Variants in MAGI1 observed in about 807,000 individuals in gnomAD.
The protein encoded by MAGI1 is membrane-associated guanylate kinase, WW and PDZ domain-containing protein 1.
In MAGI1, 58 loss-of-function variants were observed where a neutral mutation model predicts 139.9. The observed-to-expected ratio is 0.41, with a 90% CI of 0.34 to 0.52. The LOEUF is 0.52. MAGI1 is among the 20% of genes least tolerant of loss of function. The probability of loss-of-function intolerance (pLI) is 0.12; values close to 1 mark genes in which losing one functional copy is unlikely to be tolerated. For missense variants in MAGI1, 1,874 were observed against 1,901.6 expected (o/e 0.99, Z 0.27); for synonymous variants, 812 against 737.9 (o/e 1.10, Z -1.63).
intron 1 of MAGI1, among the ~76,000 whole-genome samples, chr3:65,832,239 T>C (rs2042568819): frequency 6.6e-6 from 1 of 152,228 alleles, no homozygotes; most frequent in Non-Finnish European, 1.5e-5. Flanking sequence ...TCCCAATCAG[T>C]GCCTGCAAAT....
intron 1 of MAGI1, among the ~76,000 whole-genome samples, chr3:65,781,349 A>C (rs138303753): frequency 1.8e-4 from 28 of 152,312 alleles, no homozygotes; most frequent in African/African-American, 6.5e-4. Context: ...AGTAGTTGCT[A>C]ATGGCTCCAT....
At chr3:65,661,565 C>T (rs1282374158) in intron 1 of MAGI1, among the ~76,000 whole-genome samples, 1 of 152,076 alleles carries the variant, frequency 6.6e-6, no homozygotes, top group Non-Finnish European at 1.5e-5. Context: ...AAACCAGACA[C>T]CTTGAGCAAG....
intron 1 of MAGI1, among the ~76,000 whole-genome samples, chr3:65,976,236 A>G (rs2065257658): frequency 6.6e-6 from 1 of 152,230 alleles, no homozygotes. Flanking sequence ...GCAAACCATC[A>G]CCAATACCTT....
chr3:65,370,790 G>C (rs1941910054), intron 18 of MAGI1, among the ~76,000 whole-genome samples: 1 of 152,164 alleles, frequency 6.6e-6, no homozygotes, highest in Non-Finnish European at 1.5e-5. Flanking sequence ...CAAATAGTTG[G>C]ACTACGGGTG....
At chr3:65,842,330 T>C (rs1285956599) in intron 1 of MAGI1, among the ~76,000 whole-genome samples, 1 of 151,960 alleles carries the variant, frequency 6.6e-6, no homozygotes, top group East Asian at 1.9e-4. Context: ...TTTTTCAATG[T>C]TCCATATCCC....
intron 10 of MAGI1, among the ~76,000 whole-genome samples, chr3:65,433,574 C>T (rs1947618052): frequency 6.6e-6 from 1 of 152,162 alleles, no homozygotes; most frequent in Non-Finnish European, 1.5e-5. Context: ...AGCTGCAGCC[C>T]TGTGGTACAT....
At chr3:65,832,226 G>A (rs192091199) in intron 1 of MAGI1, among the ~76,000 whole-genome samples, 153 of 152,304 alleles carry the variant, frequency 1.0e-3, no homozygotes, top group Middle Eastern at 3.4e-3. Flanking sequence ...CAGAAATGAT[G>A]TCTCCCAATC....
intron 1 of MAGI1, among the ~76,000 whole-genome samples, chr3:65,647,838 G>C (rs778065182): frequency 6.6e-6 from 1 of 152,104 alleles, no homozygotes; most frequent in Non-Finnish European, 1.5e-5. Flanking sequence ...TACATCTGAC[G>C]TAATAATTCA....
chr3:65,804,271 A>G (rs1174875022), intron 1 of MAGI1, among the ~76,000 whole-genome samples: 1 of 138,012 alleles, frequency 7.2e-6, no homozygotes, highest in Non-Finnish European at 1.6e-5. Flanking sequence ...CAGATGGCTT[A>G]GTAAAAAAAA....
At chr3:65,597,907 T>A (rs1266045715) in intron 2 of MAGI1, 2 of 411,602 alleles carry the variant, frequency 4.9e-6, no homozygotes, top group African/African-American at 5.1e-5. Context: ...CTGCAGCGGC[T>A]GTAAAGAGAG....
intron 1 of MAGI1, among the ~76,000 whole-genome samples, chr3:65,647,895 G>A (rs1301714338): frequency 6.6e-6 from 1 of 152,128 alleles, no homozygotes; most frequent in Non-Finnish European, 1.5e-5. Context: ...GACAGCACAA[G>A]GCTCTCACCA....
Position 65,936,078 on chromosome 3 carries a change from A to G in MAGI1, c.313+101918T>C, listed in dbSNP as rs1286650351. ...GGGGCTTTGTTAGGCAGCAGACAGAAAAAAGCCACAACACACAGGACCAGG... is the reference window on the plus strand; with the variant it reads ...GGGGCTTTGTTAGGCAGCAGACAGAGAAAAGCCACAACACACAGGACCAGG... On this transcript the variant is annotated intron_variant, in intron 1 of 22. Coordinates refer to ENST00000402939, the MANE Select transcript of MAGI1 (RefSeq NM_001033057.2). 2.0e-5 allele frequency among the ~76,000 whole-genome samples: 3 copies of G among 152,202 alleles called. No homozygotes were observed. The East Asian group carries it at 5.8e-4, about 29-fold the overall frequency.
At chr3:65,588,255 A>G (rs1026494217) in intron 2 of MAGI1, among the ~76,000 whole-genome samples, 9 of 152,220 alleles carry the variant, frequency 5.9e-5, no homozygotes, top group Non-Finnish European at 8.8e-5. Context: ...AGTTTTCAAG[A>G]ATAGAGATAG....
chr3:65,685,151 C>A (rs563574725), intron 1 of MAGI1, among the ~76,000 whole-genome samples: 1 of 151,708 alleles, frequency 6.6e-6, no homozygotes, highest in Non-Finnish European at 1.5e-5. Flanking sequence ...GCCTATGAAT[C>A]CACAATTATC....
intron 1 of MAGI1, among the ~76,000 whole-genome samples, chr3:65,650,770 G>C (rs1043462832): frequency 1.3e-5 from 2 of 152,214 alleles, no homozygotes; most frequent in Admixed American, 1.3e-4. Context: ...TCCAGACTTT[G>C]TGAATCAGAA....
intron 1 of MAGI1, among the ~76,000 whole-genome samples, chr3:65,761,356 T>C (rs999482461): frequency 1.3e-4 from 20 of 152,072 alleles, no homozygotes; most frequent in Non-Finnish European, 8.8e-5. Context: ...AGAGGACAAA[T>C]GGAGTCAAAT....
At chr3:65,582,332 A>AC (rs1287234697) in intron 2 of MAGI1, among the ~76,000 whole-genome samples, 2 of 152,196 alleles carry the variant, frequency 1.3e-5, no homozygotes. Flanking sequence ...TAGGAAGAGC[A>AC]CCAGGCACGT....
At chr3:65,377,886 G>A (rs1442729477) in intron 17 of MAGI1, among the ~76,000 whole-genome samples, 2 of 152,138 alleles carry the variant, frequency 1.3e-5, no homozygotes, top group Non-Finnish European at 1.5e-5. Flanking sequence ...GCTCCAGCAG[G>A]AAGCAACACA....
At chr3:65,357,229 A>C (rs1940261191) in intron 22 of MAGI1, 97 bp from the exon 23 acceptor site, 1 of 1,273,944 alleles carries the variant, frequency 7.8e-7, no homozygotes. Context: ...TAGTCACAAC[A>C]AGCAAACAAC....
Sources: allele counts gnomAD v4.1 joint callset (sites outside exome capture counted in the v4.1 genomes callset), GRCh38; gene constraint gnomAD v4.1.1; transcripts MANE v1.5; gene names NCBI Gene and HGNC (gene_info 2026-07-23, HGNC 2026-07-21).